The following SEC23B variants were observed in gnomAD, a reference collection of about 807,000 sequenced individuals.
SEC23B encodes protein transport protein Sec23B.
SEC23B carries 77 observed loss-of-function variants against 104.3 expected under a neutral mutation model. The observed-to-expected ratio is 0.74, with a 90% CI of 0.61 to 0.89. SEC23B has a LOEUF of 0.89. Ranked by LOEUF, SEC23B falls within the 40% of genes least tolerant of loss-of-function variation. The pLI is 0.00. For missense variants in SEC23B, 885 were observed against 949.4 expected (o/e 0.93, Z 0.89); for synonymous variants, 338 against 332.5 (o/e 1.02, Z -0.18).
intron 4 of SEC23B, among the ~76,000 whole-genome samples, chr20:18,516,838 C>T (rs1240181624): frequency 6.6e-6 from 1 of 152,080 alleles, no homozygotes; most frequent in Non-Finnish European, 1.5e-5. Flanking sequence ...CAGGCGTGAG[C>T]CACCGCACCC....
At chr20:18,539,096 C>G (rs62216402) in intron 12 of SEC23B, among the ~76,000 whole-genome samples, 98,596 of 149,054 alleles carry the variant, frequency 0.66, 34,207 homozygotes, top group Non-Finnish European at 0.79. Context: ...ACCTATAATC[C>G]CAGCTACTCA....
intron 4 of SEC23B, among the ~76,000 whole-genome samples, chr20:18,517,257 A>G (rs759703672): frequency 2.0e-5 from 3 of 152,128 alleles, no homozygotes; most frequent in Non-Finnish European, 4.4e-5. Context: ...ATTAGTTCTT[A>G]TAGGTTTTGG....
chr20:18,549,514 C>T (rs140923809), intron 16 of SEC23B, among the ~76,000 whole-genome samples: 89 of 151,224 alleles, frequency 5.9e-4, no homozygotes, highest in Admixed American at 2.4e-3. Context: ...CCCACCGATA[C>T]GGAGGGCCAA....
intron 4 of SEC23B, among the ~76,000 whole-genome samples, chr20:18,516,425 T>G (rs1200199604): frequency 6.6e-6 from 1 of 152,190 alleles, no homozygotes; most frequent in Non-Finnish European, 1.5e-5. Flanking sequence ...ATTGGAAAAC[T>G]TGTCTGTCTT....
chr20:18,510,951 C>T lies in SEC23B; in HGVS notation c.116C>T (p.Ala39Val), dbSNP rs779123831. Residue 39 changes from alanine (A) to valine (V), a missense_variant, in exon 2 of 20, where the codon GCT (alanine) becomes GTT (valine). By Grantham distance (64) the Ala-to-Val change is moderately conservative (BLOSUM62 0). Transcript: ENST00000650089. ...LEATRMVVPL[A>V]CLLTPLKERP... The stretch of plus-strand genomic sequence containing the variant: ...GCTACAAGAATGGTTGTACCCCTGG[C>T]TTGTCTCCTTACTCCTTTGAAAGAA... 1 of 1,614,160 alleles carries T rather than the reference C, an allele frequency of 6.2e-7. No individual in the cohort carries two copies. The highest frequency in any genetic ancestry group is 8.5e-7 in the Non-Finnish European group (1 of 1,180,004).
intron 3 of SEC23B, among the ~76,000 whole-genome samples, chr20:18,513,476 A>G (rs893031268): frequency 6.6e-6 from 1 of 152,240 alleles, no homozygotes; most frequent in Non-Finnish European, 1.5e-5. Flanking sequence ...TATGTTGCGT[A>G]AACTATACCT....
chr20:18,547,695 C>T (rs528765702), intron 15 of SEC23B, among the ~76,000 whole-genome samples: 2 of 152,178 alleles, frequency 1.3e-5, no homozygotes, highest in African/African-American at 4.8e-5. Flanking sequence ...CACTGTCAGT[C>T]CCCGGAGCTC....
At chr20:18,548,877 G>A (rs2060359869) in intron 16 of SEC23B, 107 bp downstream of exon 16, 1 of 1,076,490 alleles carries the variant, frequency 9.3e-7, no homozygotes, top group Admixed American at 2.0e-5. Context: ...AAAATTTGGA[G>A]TTTTTATAGT....
chr20:18,540,905 C>G (rs533563368), intron 12 of SEC23B, among the ~76,000 whole-genome samples: 133 of 152,334 alleles, frequency 8.7e-4, no homozygotes, highest in African/African-American at 3.0e-3. Context: ...ACAAGAGAGT[C>G]AACCTGCCCT....
At chr20:18,528,294 C>G (rs865803260) in intron 9 of SEC23B, among the ~76,000 whole-genome samples, 10 of 152,198 alleles carry the variant, frequency 6.6e-5, no homozygotes, top group South Asian at 2.1e-4. Flanking sequence ...TTGTTATCAC[C>G]AGGGGAACTT....
chr20:18,542,411 C>A lies in SEC23B; in HGVS notation c.1511+9C>A. ...ACCACCATCGCCCGAAAGTAAGCAG[C>A]CCCAGTTTCCTTTCTGTTGAGGAAC... On this transcript the variant is annotated intron_variant, in intron 13 of 19. Coordinates refer to ENST00000650089, the MANE Select transcript of SEC23B (RefSeq NM_006363.6). The A allele has an allele frequency of 6.2e-7, 1 of 1,607,798 alleles. No homozygotes were observed. The highest frequency in any genetic ancestry group is 8.5e-7 in the Non-Finnish European group (1 of 1,174,214).
chr20:18,542,439 A>G (rs1000194071), intron 13 of SEC23B, 37 bp downstream of exon 13: 1 of 1,540,148 alleles, frequency 6.5e-7, no homozygotes, highest in South Asian at 1.1e-5. Context: ...TGAGGAACTG[A>G]CTGACATTTT....
chr20:18,516,888 G>A (rs150341722), intron 4 of SEC23B, among the ~76,000 whole-genome samples: 1,695 of 151,618 alleles, frequency 0.011, 35 homozygotes, highest in African/African-American at 0.038. Context: ...TTGAGATTCC[G>A]TATAATTTGT....
intron 11 of SEC23B, among the ~76,000 whole-genome samples, chr20:18,533,036 G>A (rs1052221441): frequency 1.3e-5 from 2 of 152,216 alleles, no homozygotes. Flanking sequence ...ACCCATGGTC[G>A]TTGTGCCAAA....
intron 12 of SEC23B, among the ~76,000 whole-genome samples, chr20:18,541,318 C>T (rs2060286028): frequency 6.6e-6 from 1 of 152,266 alleles, no homozygotes; most frequent in African/African-American, 2.4e-5. Context: ...GGCTGTTTCA[C>T]TTTCTTATCA....
At chr20:18,514,997 A>G (rs1425299349) in intron 3 of SEC23B, among the ~76,000 whole-genome samples, 1 of 152,226 alleles carries the variant, frequency 6.6e-6, no homozygotes, top group Non-Finnish European at 1.5e-5. Flanking sequence ...TTGCAGGGCA[A>G]AACTTAAGAA....
intron 15 of SEC23B, among the ~76,000 whole-genome samples, chr20:18,546,708 T>TGGGACTCTGAGGTGTCC (rs1189684587): frequency 1.8e-4 from 28 of 152,266 alleles, no homozygotes; most frequent in African/African-American, 6.3e-4. Flanking sequence ...AGCAGGTGCC[T>TGGGACTCTGAGGTGTCC]GGGACTCTGA....
rs2060484744 is a variant in SEC23B, at chr20:18,560,694, T to C, written c.2258T>C (p.Val753Ala). ...CTAACTGATGATGTTAGCCTGCAGG[T>C]GTTCATGGACCATTTGAAGAAGCTG... ...PILTDDVSLQ[V>A]FMDHLKKLAV... The change falls in exon 20 of 20, where the codon GTG becomes GCG. Residue 753 changes from valine (V) to alanine (A), a missense_variant. Physicochemically the swap from Val to Ala is moderately conservative, Grantham distance 64 (BLOSUM62 0). Coordinates refer to ENST00000650089, the MANE Select transcript of SEC23B (RefSeq NM_006363.6). 1.9e-6 allele frequency: 3 copies of C among 1,614,030 alleles called. No individual in the cohort carries two copies. In the East Asian group the frequency reaches 6.7e-5, roughly 36 times the overall value.
chr20:18,518,699 C>A (rs1257552330), intron 4 of SEC23B, among the ~76,000 whole-genome samples: 2 of 143,460 alleles, frequency 1.4e-5, no homozygotes, highest in Non-Finnish European at 3.0e-5. Flanking sequence ...AGGAGAAAAA[C>A]TGGCCATGAG....
Sources: gnomAD v4.1 joint callset for allele counts (sites outside exome capture counted in the v4.1 genomes callset) on GRCh38, gnomAD v4.1.1 for gene constraint, MANE v1.5 for transcripts, NCBI Gene and HGNC (gene_info 2026-07-23, HGNC 2026-07-21) for gene names.